The following UNC5D variants were observed in gnomAD, a reference collection of about 807,000 sequenced individuals.
The protein encoded by UNC5D is unc-5 netrin receptor D.
A neutral mutation model predicts 105.4 loss-of-function variants in UNC5D; 39 were observed. The ratio of observed to expected loss-of-function variants is 0.37; its 90% confidence interval spans 0.29 to 0.48. The LOEUF is 0.48. Among genes scored for constraint, UNC5D ranks in the 20% least tolerant of loss-of-function variants. The pLI is 0.98. For synonymous variants in UNC5D, 452 were observed against 450.4 expected (o/e 1.00, Z -0.04); for missense variants, 991 against 1,202.4 (o/e 0.82, Z 2.60).
chr8:35,403,789 A>G (rs988633130), intron 1 of UNC5D, among the ~76,000 whole-genome samples: 21 of 152,240 alleles, frequency 1.4e-4, no homozygotes, highest in Admixed American at 1.4e-3. Context: ...CAAAAGGGTC[A>G]TCGTCATTGT....
At chr8:35,723,412 C>T (rs1420363278) in intron 9 of UNC5D, among the ~76,000 whole-genome samples, 1 of 152,070 alleles carries the variant, frequency 6.6e-6, no homozygotes, top group African/African-American at 2.4e-5. Flanking sequence ...GGAAATAAAT[C>T]CAAATATAGA....
rs996567798 is a variant in UNC5D at position 35,422,269 on chromosome 8, G to A, written c.104-127023G>A. 3.3e-5 allele frequency among the ~76,000 whole-genome samples: 5 copies of A among 152,318 alleles called. No individual in the cohort carries two copies. In the East Asian group the frequency reaches 5.8e-4, roughly 18 times the overall value. ...TCTGGAAACACCAACACCAAAGAACGTGCTAATAAAAACGTGTCATGCTTA... is the reference window on the plus strand; with the variant it reads ...TCTGGAAACACCAACACCAAAGAACATGCTAATAAAAACGTGTCATGCTTA... On this transcript the variant is annotated intron_variant, in intron 1 of 16. Coordinates refer to ENST00000404895, the MANE Select transcript of UNC5D (RefSeq NM_080872.4).
intron 2 of UNC5D, among the ~76,000 whole-genome samples, 175 bp from the exon 3 acceptor site, chr8:35,567,923 C>T (rs891940583): frequency 6.6e-6 from 1 of 152,174 alleles, no homozygotes. Flanking sequence ...TTCCAGCCTA[C>T]TCAGCTGTTG....
At chr8:35,678,001 TACAC>T (rs1042957821) in intron 4 of UNC5D, among the ~76,000 whole-genome samples, 1 of 151,852 alleles carries the variant, frequency 6.6e-6, no homozygotes, top group Non-Finnish European at 1.5e-5. Context: ...TATAGATAGA[TACAC>T]ACACCTAGGA....
intron 9 of UNC5D, among the ~76,000 whole-genome samples, chr8:35,725,034 G>A (rs2131548192): frequency 6.6e-6 from 1 of 152,280 alleles, no homozygotes; most frequent in East Asian, 1.9e-4. Context: ...GATTCTTAGA[G>A]CATCACAACA....
At chr8:35,617,007 A>G (rs754505050) in intron 4 of UNC5D, among the ~76,000 whole-genome samples, 1 of 152,232 alleles carries the variant, frequency 6.6e-6, no homozygotes, top group Non-Finnish European at 1.5e-5. Flanking sequence ...GTAATGTTCC[A>G]TGGGCATGAA....
intron 1 of UNC5D, among the ~76,000 whole-genome samples, chr8:35,389,666 G>T (rs546623431): frequency 6.6e-6 from 1 of 150,956 alleles, no homozygotes; most frequent in Non-Finnish European, 1.5e-5. Flanking sequence ...ACTACTTTGC[G>T]GTATAGAAAG....
chr8:35,671,559 A>G (rs1824806423), intron 4 of UNC5D, among the ~76,000 whole-genome samples: 4 of 152,224 alleles, frequency 2.6e-5, no homozygotes. Context: ...GAGAGAGCAC[A>G]AGAGGCGATG....
At chr8:35,241,083 T>A (rs1197042993) in intron 1 of UNC5D, among the ~76,000 whole-genome samples, 1 of 152,174 alleles carries the variant, frequency 6.6e-6, no homozygotes, top group Non-Finnish European at 1.5e-5. Flanking sequence ...AGCATGAGAT[T>A]TGAGAATAGA....
intron 11 of UNC5D, among the ~76,000 whole-genome samples, chr8:35,735,929 G>A (rs1829442966): frequency 6.6e-6 from 1 of 152,182 alleles, no homozygotes; most frequent in South Asian, 2.1e-4. Context: ...TTTTATCAAT[G>A]AGATTAAAAG....
chr8:35,458,508 C>T (rs1808649649), intron 1 of UNC5D, among the ~76,000 whole-genome samples: 1 of 152,054 alleles, frequency 6.6e-6, no homozygotes, highest in Non-Finnish European at 1.5e-5. Flanking sequence ...TAATTAATAG[C>T]ATCTAAAGGA....
chr8:35,639,771 G>T (rs569796941), intron 4 of UNC5D, among the ~76,000 whole-genome samples: 16 of 152,076 alleles, frequency 1.1e-4, no homozygotes, highest in African/African-American at 3.9e-4. Flanking sequence ...TTAAGACAAG[G>T]TCTTGCTGTG....
chr8:35,712,105 T>C (rs567497911), intron 8 of UNC5D, among the ~76,000 whole-genome samples: 1 of 152,286 alleles, frequency 6.6e-6, no homozygotes, highest in Non-Finnish European at 1.5e-5. Context: ...ACCCCATCTC[T>C]ACTAAAAATA....
At chr8:35,309,550 C>A (rs996602193) in intron 1 of UNC5D, among the ~76,000 whole-genome samples, 4 of 152,102 alleles carry the variant, frequency 2.6e-5, no homozygotes, top group African/African-American at 9.7e-5. Context: ...TTGAAACAAG[C>A]CAAGGACACT....
chr8:35,519,095 C>CT (rs1027332828), intron 1 of UNC5D, among the ~76,000 whole-genome samples: 4 of 151,948 alleles, frequency 2.6e-5, no homozygotes, highest in Admixed American at 6.6e-5. Flanking sequence ...ATTTAAAGTA[C>CT]TTTTTTTTCC....
chr8:35,244,150 C>T (rs1239927356), intron 1 of UNC5D, among the ~76,000 whole-genome samples: 1 of 152,074 alleles, frequency 6.6e-6, no homozygotes, highest in Non-Finnish European at 1.5e-5. Context: ...TCTTTGTACC[C>T]GCCCTAATAT....
chr8:35,574,364 TTTTG>T (rs780551326), intron 3 of UNC5D, among the ~76,000 whole-genome samples: 23 of 152,150 alleles, frequency 1.5e-4, no homozygotes, highest in Non-Finnish European at 2.9e-4. Flanking sequence ...AAAACCACTA[TTTTG>T]TTTGTTTGTT....
intron 1 of UNC5D, among the ~76,000 whole-genome samples, chr8:35,368,339 G>A (rs1023030773): frequency 2.0e-5 from 3 of 151,802 alleles, no homozygotes; most frequent in African/African-American, 7.3e-5. Flanking sequence ...ACACATGTGC[G>A]CATGCATGCA....
chr8:35,523,697 T>C (rs964492424), intron 1 of UNC5D, among the ~76,000 whole-genome samples: 2 of 123,162 alleles, frequency 1.6e-5, no homozygotes, highest in Non-Finnish European at 3.3e-5. Context: ...ATTTGATCCA[T>C]TTATTTAATT....
Sources: gnomAD v4.1 joint callset for allele counts (sites outside exome capture counted in the v4.1 genomes callset) on GRCh38, gnomAD v4.1.1 for gene constraint, MANE v1.5 for transcripts, NCBI Gene and HGNC (gene_info 2026-07-23, HGNC 2026-07-21) for gene names.